Variants in KRCC1 observed in about 807,000 individuals in gnomAD.
KRCC1 encodes the protein lysine-rich coiled-coil protein 1.
KRCC1 carries 3 observed loss-of-function variants against 7.4 expected under a neutral mutation model. The observed-to-expected ratio is 0.40, with a 90% CI of 0.18 to 1.04. The LOEUF is 1.04. Ranked by LOEUF, KRCC1 falls within the 50% of genes least tolerant of loss-of-function variation. The pLI, the probability that KRCC1 is intolerant of heterozygous loss-of-function variation, is 0.33. For synonymous variants in KRCC1, 102 were observed against 101.6 expected (o/e 1.00, Z -0.02); for missense variants, 277 against 300.9 (o/e 0.92, Z 0.59).
intron 1 of KRCC1, among the ~76,000 whole-genome samples, chr2:88,049,584 G>A (rs1443959370): frequency 6.6e-6 from 1 of 152,172 alleles, no homozygotes; most frequent in Admixed American, 6.5e-5. Context: ...GGGAAGTCGA[G>A]GCTGCAGTGA....
At position 88,028,413 on chromosome 2, in the gene KRCC1, T is replaced by C. The variant is rs1441190941; in HGVS notation, c.151A>G (p.Asn51Asp). The change falls in exon 4 of 4, where the codon AAT (asparagine) becomes GAT (aspartate). Residue 51 changes from asparagine to aspartate, a missense_variant. Coordinates refer to ENST00000347055, the MANE Select transcript of KRCC1 (RefSeq NM_016618.3). The part of the protein sequence containing the change: ...LETCGYKGEV[N>D]SRPTYRMFDQ... Reference sequence around the variant, plus strand: ...AACATTCTATACGTGGGTCTGGAATTAACCTCTCCTTTGTACCCACAGGTT... The same window carrying C: ...AACATTCTATACGTGGGTCTGGAATCAACCTCTCCTTTGTACCCACAGGTT... 2.5e-6 allele frequency: 4 copies of C among 1,614,060 alleles called. No homozygotes were observed.
At chr2:88,046,561 A>G (rs1259864623) in intron 1 of KRCC1, among the ~76,000 whole-genome samples, 2 of 152,240 alleles carry the variant, frequency 1.3e-5, no homozygotes, top group Admixed American at 6.5e-5. Flanking sequence ...GGAGTACCTA[A>G]TTCTTTGTAT....
intron 1 of KRCC1, among the ~76,000 whole-genome samples, chr2:88,038,722 C>T (rs1363109500): frequency 6.6e-6 from 1 of 152,156 alleles, no homozygotes; most frequent in Non-Finnish European, 1.5e-5. Flanking sequence ...GGAAGCAAGG[C>T]ACTTTCCTTT....
At chr2:88,049,000 C>T (rs1177648645) in intron 1 of KRCC1, among the ~76,000 whole-genome samples, 1 of 152,158 alleles carries the variant, frequency 6.6e-6, no homozygotes, top group Non-Finnish European at 1.5e-5. Flanking sequence ...TAATATAATG[C>T]TCATTGTTAA....
Position 88,027,694 on chromosome 2 carries a change from A to AT in KRCC1, c.*89dup. 1.7e-6 allele frequency: 2 copies of AT among 1,154,874 alleles called. No individual in the cohort carries two copies. The highest frequency in any genetic ancestry group is 2.4e-6 in the Non-Finnish European group (2 of 817,632). The allele number at this position is 1,154,874 out of a possible 1,614,324, so 71.5% of individuals were successfully genotyped here. On this transcript the variant is annotated 3_prime_UTR_variant, in exon 4 of 4. Transcript: ENST00000347055. Reference sequence around the variant, plus strand: ...GTTAGAAGTTAAAGAACCTATTCACATAAGAAAAGTGGTATGAACACGGAT... The same window carrying AT: ...GTTAGAAGTTAAAGAACCTATTCACATTAAGAAAAGTGGTATGAACACGGAT...
At chr2:88,052,905 T>C (rs1673527836) in intron 1 of KRCC1, among the ~76,000 whole-genome samples, 1 of 152,200 alleles carries the variant, frequency 6.6e-6, no homozygotes, top group Non-Finnish European at 1.5e-5. Flanking sequence ...AAACATATTT[T>C]AAAGAAGTAA....
chr2:88,028,236 A>G lies in KRCC1; in HGVS notation c.328T>C (p.Cys110Arg). ...AGGGGTACTGGTTTTTCTGAGAAACAGTCCCTCGTGAACTGACAGTAGCTC... is the reference window on the plus strand; with the variant it reads ...AGGGGTACTGGTTTTTCTGAGAAACGGTCCCTCGTGAACTGACAGTAGCTC... Reference protein sequence around the residue: ...SLSYCQFTRDCFSEKPVPLNF... With the variant: ...SLSYCQFTRDRFSEKPVPLNF... The change falls in exon 4 of 4, where the codon TGT becomes CGT. Residue 110 changes from cysteine to arginine, a missense_variant. Coordinates refer to ENST00000347055, the MANE Select transcript of KRCC1 (RefSeq NM_016618.3). 3.7e-6 allele frequency: 6 copies of G among 1,614,222 alleles called. No individual in the cohort carries two copies. Among genetic ancestry groups the G allele is most frequent in the Non-Finnish European group, 5.1e-6 (6 of 1,180,026 alleles).
intron 1 of KRCC1, among the ~76,000 whole-genome samples, chr2:88,051,206 G>A (rs146797996): frequency 6.6e-4 from 100 of 152,108 alleles, no homozygotes; most frequent in Middle Eastern, 3.4e-3. Flanking sequence ...GATCACAGGC[G>A]TAAACCACCA....
At chr2:88,049,585 G>A (rs1276291724) in intron 1 of KRCC1, among the ~76,000 whole-genome samples, 1 of 152,196 alleles carries the variant, frequency 6.6e-6, no homozygotes, top group Admixed American at 6.5e-5. Flanking sequence ...GGAAGTCGAG[G>A]CTGCAGTGAG....
At chr2:88,036,375 A>T (rs74871985) in intron 2 of KRCC1, among the ~76,000 whole-genome samples, 25 of 152,362 alleles carry the variant, frequency 1.6e-4, no homozygotes, top group African/African-American at 5.3e-4. Context: ...ACAGGGAATC[A>T]GATCTCATTT....
intron 1 of KRCC1, among the ~76,000 whole-genome samples, chr2:88,038,812 A>G (rs1673145947): frequency 6.6e-6 from 1 of 152,174 alleles, no homozygotes; most frequent in Admixed American, 6.5e-5. Context: ...AGAACTCACT[A>G]TCATAAGAAC....
At chr2:88,042,550 T>C (rs1673235818) in intron 1 of KRCC1, among the ~76,000 whole-genome samples, 2 of 151,886 alleles carry the variant, frequency 1.3e-5, no homozygotes, top group South Asian at 2.1e-4. Context: ...CCAGAATAGC[T>C]AGGACTATAG....
chr2:88,049,228 T>C (rs1673411985), intron 1 of KRCC1, among the ~76,000 whole-genome samples: 1 of 152,212 alleles, frequency 6.6e-6, no homozygotes, highest in Non-Finnish European at 1.5e-5. Context: ...ATGCCAATAA[T>C]CATAAGTACT....
chr2:88,044,562 A>G (rs970818883), intron 1 of KRCC1, among the ~76,000 whole-genome samples: 6 of 152,246 alleles, frequency 3.9e-5, no homozygotes, highest in African/African-American at 1.4e-4. Flanking sequence ...AGGTCTGAAC[A>G]GATACTTCAG....
intron 1 of KRCC1, among the ~76,000 whole-genome samples, chr2:88,055,417 C>T (rs1418290145): frequency 6.6e-6 from 1 of 152,008 alleles, no homozygotes; most frequent in Non-Finnish European, 1.5e-5. Context: ...CCGAGCGCCC[C>T]TTCCCTCCGC....
intron 1 of KRCC1, among the ~76,000 whole-genome samples, chr2:88,053,738 C>A (rs967168742): frequency 3.3e-5 from 5 of 152,116 alleles, no homozygotes; most frequent in African/African-American, 1.2e-4. Context: ...AGTCAATAGA[C>A]ACAAAGTCAA....
chr2:88,054,825 TG>T (rs1364633297), intron 1 of KRCC1, among the ~76,000 whole-genome samples: 1 of 152,198 alleles, frequency 6.6e-6, no homozygotes, highest in African/African-American at 2.4e-5. Flanking sequence ...AAAACTCAGC[TG>T]GGCGCGGTAG....
At chr2:88,041,414 T>G (rs1673207883) in intron 1 of KRCC1, among the ~76,000 whole-genome samples, 1 of 152,222 alleles carries the variant, frequency 6.6e-6, no homozygotes, top group Non-Finnish European at 1.5e-5. Context: ...TGAATTTGAT[T>G]TTGGAACAAA....
chr2:88,038,123 T>C (rs1445107166), intron 1 of KRCC1, among the ~76,000 whole-genome samples: 1 of 152,200 alleles, frequency 6.6e-6, no homozygotes, highest in African/African-American at 2.4e-5. Flanking sequence ...TGCTCAATCA[T>C]AAAATCCAAT....
Sources: gnomAD v4.1 joint callset for allele counts (sites outside exome capture counted in the v4.1 genomes callset) on GRCh38, gnomAD v4.1.1 for gene constraint, MANE v1.5 for transcripts, NCBI Gene and HGNC (gene_info 2026-07-23, HGNC 2026-07-21) for gene names.